Variants in GALNT12 observed in about 807,000 individuals in gnomAD.
GALNT12 encodes UDP-GalNAc:polypeptide N-acetylgalactosaminyltransferase 12.
In GALNT12, 45 loss-of-function variants were observed where a neutral mutation model predicts 55.5. The observed-to-expected ratio is 0.81, with a 90% CI of 0.64 to 1.04. GALNT12 has a LOEUF of 1.04. Ranked by LOEUF, GALNT12 falls within the 50% of genes least tolerant of loss-of-function variation. The pLI, the probability that GALNT12 is intolerant of heterozygous loss-of-function variation, is 0.00. For missense variants in GALNT12, 709 were observed against 754.8 expected (o/e 0.94, Z 0.71); for synonymous variants, 304 against 312.2 (o/e 0.97, Z 0.28).
intron 6 of GALNT12, 137 bp downstream of exon 6, chr9:98,837,285 T>C: frequency 1.2e-6 from 1 of 818,682 alleles, no homozygotes; most frequent in Non-Finnish European, 2.1e-6. Context: ...AAGGGGAGAA[T>C]TTATTCCTCC....
intron 7 of GALNT12, among the ~76,000 whole-genome samples, chr9:98,843,130 G>A (rs1439926678): frequency 2.0e-5 from 3 of 152,116 alleles, no homozygotes; most frequent in African/African-American, 7.2e-5. Flanking sequence ...AAAATCCAAT[G>A]TAGTCTTGAA....
Position 98,823,278 on chromosome 9 carries a change from T to A in GALNT12, c.394T>A (p.Tyr132Asn). 1 of 1,614,200 alleles carries A rather than the reference T, an allele frequency of 6.2e-7. No individual in the cohort carries two copies. The highest frequency in any genetic ancestry group is 8.5e-7 in the Non-Finnish European group (1 of 1,180,016). The change falls in exon 2 of 10, where the codon TAT becomes AAT. Residue 132 changes from tyrosine to asparagine, a missense_variant. By Grantham distance (143) the Tyr-to-Asn change is moderately radical (BLOSUM62 -2). Around this residue, in one of 5 missense-constraint regions of GALNT12, gnomAD observed 315 missense variants for 288.6 expected, o/e 1.09. Coordinates refer to ENST00000375011, the MANE Select transcript of GALNT12 (RefSeq NM_024642.5). ...NPLCKEKKYD[Y>N]DNLPRTSVII... ...CAGGTGCAAAGAGAAGAAATATGAT[T>A]ATGATAATTTGCCCAGGACATCTGT...
intron 1 of GALNT12, among the ~76,000 whole-genome samples, chr9:98,809,429 G>A (rs1397791812): frequency 1.3e-5 from 2 of 152,256 alleles, no homozygotes; most frequent in African/African-American, 2.4e-5. Flanking sequence ...TGGAGGGGAA[G>A]CTTTCAGGTT....
At chr9:98,814,231 T>C (rs555502999) in intron 1 of GALNT12, among the ~76,000 whole-genome samples, 6 of 152,136 alleles carry the variant, frequency 3.9e-5, no homozygotes, top group African/African-American at 1.4e-4. Context: ...AGACTGAGAA[T>C]TGGAAAAGGT....
Position 98,827,794 on chromosome 9 carries a change from T to C in GALNT12, c.731+853T>C, listed in dbSNP as rs189213378. Among the ~76,000 whole-genome samples, 137 of 152,308 alleles carry C rather than the reference T, an allele frequency of 9.0e-4. 1 individual carries two copies. In the Middle Eastern group the frequency reaches 0.014, roughly 15 times the overall value. ...TTTATACCAGTATAGTCATAAAATATGCTTTTTAATATGTCTGGTTGTTAT... is the reference window on the plus strand; with the variant it reads ...TTTATACCAGTATAGTCATAAAATACGCTTTTTAATATGTCTGGTTGTTAT... On this transcript the variant is annotated intron_variant, in intron 3 of 9. Transcript: ENST00000375011.
chr9:98,828,508 T>C lies in GALNT12; in HGVS notation c.731+1567T>C, dbSNP rs138471514. Among the ~76,000 whole-genome samples, 51 of 152,294 alleles carry C rather than the reference T, an allele frequency of 3.3e-4. 1 individual carries two copies. In the East Asian group the frequency reaches 9.3e-3, roughly 28 times the overall value. ...GTCTGAAATCATGGGGAGAGGACAT[T>C]TCTTTCTCTGCAGCTGATGGATTAA... is the stretch of plus-strand genomic sequence containing the variant. On this transcript the variant is annotated intron_variant, in intron 3 of 9. Transcript: ENST00000375011.
At position 98,836,768 on chromosome 9, in the gene GALNT12, A is replaced by G. The variant is rs113675901; in HGVS notation, c.1036-204A>G. Among the ~76,000 whole-genome samples the G allele has an allele frequency of 0.017, 2,652 of 151,996 alleles. 66 individuals carry two copies. Among genetic ancestry groups the G allele is most frequent in the African/African-American group, 0.061 (2,518 of 41,430 alleles). On this transcript the variant is annotated intron_variant, in intron 5 of 9. Coordinates refer to ENST00000375011, the MANE Select transcript of GALNT12 (RefSeq NM_024642.5). ...TGGGGTCTTGGTTCCCACAGCTTAT[A>G]TGTTTTGGGGGCTGCTTTCTTGCTC...
chr9:98,808,059 T>C lies in GALNT12; in HGVS notation c.361T>C (p.Trp121Arg). The change falls in exon 1 of 10, where the codon TGG becomes CGG. Residue 121 changes from tryptophan to arginine, a missense_variant. Trp to Arg is a moderately radical substitution (Grantham distance 101). Transcript: ENST00000375011. Reference sequence around the variant, plus strand: ...ACTGCACCGCCGCCTGCCCGAGCGCTGGAACCCGCTGTGAGTGCACAGCTC... The same window carrying C: ...ACTGCACCGCCGCCTGCCCGAGCGCCGGAACCCGCTGTGAGTGCACAGCTC... ...ISLHRRLPERWNPLCKEKKYD... is the reference protein window; with the variant it reads ...ISLHRRLPERRNPLCKEKKYD... The C allele has an allele frequency of 6.3e-7, 1 of 1,578,798 alleles. No homozygotes were observed.
At chr9:98,830,093 G>A (rs1031076712) in intron 3 of GALNT12, among the ~76,000 whole-genome samples, 11 of 152,168 alleles carry the variant, frequency 7.2e-5, no homozygotes, top group Non-Finnish European at 1.0e-4. Flanking sequence ...TCCCACCAAC[G>A]GTGTGTGAGG....
intron 6 of GALNT12, among the ~76,000 whole-genome samples, chr9:98,839,225 A>G (rs1422061412): frequency 6.6e-6 from 1 of 152,254 alleles, no homozygotes; most frequent in Non-Finnish European, 1.5e-5. Flanking sequence ...CTGGGGGCGC[A>G]GTGACTTTCA....
intron 2 of GALNT12, 46 bp downstream of exon 2, chr9:98,823,471 A>C: frequency 6.4e-7 from 1 of 1,563,752 alleles, no homozygotes; most frequent in Non-Finnish European, 8.8e-7. Context: ...CTTCTGTAGC[A>C]GTGTCTGGGA....
chr9:98,808,815 A>G (rs1353611014), intron 1 of GALNT12, among the ~76,000 whole-genome samples: 2 of 152,248 alleles, frequency 1.3e-5, no homozygotes, highest in South Asian at 4.1e-4. Flanking sequence ...GAGGAAGGAC[A>G]GGTGGCTGCT....
chr9:98,829,153 TTATCTATCTATCTATCTATCTATC>T (rs57899489), intron 3 of GALNT12, among the ~76,000 whole-genome samples: 1 of 141,864 alleles, frequency 7.0e-6, no homozygotes, highest in African/African-American at 2.7e-5. Flanking sequence ...GTAATTTTTT[TTATCTATCTATCTATCTATCTATC>T]TATCTATCTA....
intron 1 of GALNT12, among the ~76,000 whole-genome samples, chr9:98,823,008 G>A (rs1835778593): frequency 6.6e-6 from 1 of 152,158 alleles, no homozygotes; most frequent in South Asian, 2.1e-4. Flanking sequence ...TTTGTATGTT[G>A]CTCAAATCAA....
chr9:98,846,783 G>A (rs1481606788), intron 9 of GALNT12, among the ~76,000 whole-genome samples: 1 of 146,700 alleles, frequency 6.8e-6, no homozygotes, highest in Non-Finnish European at 1.5e-5. Flanking sequence ...ACTTGAACCG[G>A]AAGGCGGAGG....
At chr9:98,816,612 C>T (rs1328890621) in intron 1 of GALNT12, among the ~76,000 whole-genome samples, 3 of 150,890 alleles carry the variant, frequency 2.0e-5, no homozygotes, top group African/African-American at 4.9e-5. Context: ...TTAGGTTTCA[C>T]AGAAACACTT....
chr9:98,820,403 A>ATG lies in GALNT12; in HGVS notation c.372-2851_372-2850dup, dbSNP rs528769075. Among the ~76,000 whole-genome samples, 915 of 152,090 alleles carry ATG rather than the reference A, an allele frequency of 6.0e-3. 23 individuals carry two copies. The East Asian group carries it at 0.066, about 11-fold the overall frequency. On this transcript the variant is annotated intron_variant, in intron 1 of 9. Transcript: ENST00000375011. ...AGGATGATGGCTTCTAGCTCCATCC[A>ATG]TGTCCTTGCAAAGGACATAATCTCA...
intron 3 of GALNT12, among the ~76,000 whole-genome samples, chr9:98,830,299 G>A (rs1230561789): frequency 1.3e-5 from 2 of 152,170 alleles, no homozygotes; most frequent in East Asian, 3.8e-4. Flanking sequence ...TTCCATCCAG[G>A]GGCTTTTGGA....
intron 9 of GALNT12, among the ~76,000 whole-genome samples, chr9:98,846,952 G>A (rs192270192): frequency 2.6e-5 from 4 of 151,598 alleles, no homozygotes; most frequent in South Asian, 2.1e-4. Flanking sequence ...TATAAAGCTC[G>A]ATAGAGATTA....
Sources: allele counts gnomAD v4.1 joint callset (sites outside exome capture counted in the v4.1 genomes callset), GRCh38; gene constraint gnomAD v4.1.1; regional missense constraint gnomAD v4.1.1; transcripts MANE v1.5; gene names NCBI Gene and HGNC (gene_info 2026-07-23, HGNC 2026-07-21).